MTARC1: variants seen among roughly 807,000 people sequenced by gnomAD.
MTARC1 encodes the protein mitochondrial amidoxime reducing component 1.
A neutral mutation model predicts 33.6 loss-of-function variants in MTARC1; 24 were observed. The ratio of observed to expected loss-of-function variants is 0.72; its 90% confidence interval spans 0.52 to 1.01. The LOEUF is 1.01. Ranked by LOEUF, MTARC1 falls within the 50% of genes least tolerant of loss-of-function variation. The pLI is 0.00. For synonymous variants in MTARC1, 187 were observed against 189.5 expected, an observed-to-expected ratio of 0.99 and a Z score of 0.11; for missense variants, 417 against 445.7, an observed-to-expected ratio of 0.94 and a Z score of 0.58.
chr1:220,787,640 G>C (rs1672276405), intron 1 of MTARC1, among the ~76,000 whole-genome samples: 1 of 152,122 alleles, frequency 6.6e-6, no homozygotes, highest in African/African-American at 2.4e-5. Context: ...CTGAACTGTA[G>C]AGTCCAGCCC....
At chr1:220,806,362 T>G (rs1303709154) in intron 6 of MTARC1, among the ~76,000 whole-genome samples, 1 of 152,230 alleles carries the variant, frequency 6.6e-6, no homozygotes, top group Non-Finnish European at 1.5e-5. Context: ...TGGTCCTGAC[T>G]TGGCCTCCCC....
intron 1 of MTARC1, among the ~76,000 whole-genome samples, chr1:220,788,712 C>T (rs1429522647): frequency 1.3e-5 from 2 of 151,720 alleles, no homozygotes; most frequent in African/African-American, 2.4e-5. Flanking sequence ...TGGCGTGAAC[C>T]CGGGAGGCGG....
chr1:220,814,554 C>G lies in MTARC1; in HGVS notation c.*1136C>G, dbSNP rs1438821995. The stretch of plus-strand genomic sequence containing the variant: ...ACCAGCCCAGAAAATATAATGGGAT[C>G]CTGTCGCTACAAAATGTTTTTAAAA... On this transcript the variant is annotated 3_prime_UTR_variant, in exon 7 of 7. Coordinates refer to ENST00000366910, the MANE Select transcript of MTARC1 (RefSeq NM_022746.4). 2 of 152,056 alleles carry G rather than the reference C, an allele frequency of 1.3e-5. No individual in the cohort carries two copies. The highest frequency in any genetic ancestry group is 2.9e-5 in the Non-Finnish European group (2 of 68,058). The allele number at this position is 152,056 out of a possible 1,614,324, so 9.4% of individuals were successfully genotyped here.
At chr1:220,787,301 G>A (rs1368247164) in intron 1 of MTARC1, 82 bp downstream of exon 1, 2 of 1,419,198 alleles carry the variant, frequency 1.4e-6, no homozygotes, top group East Asian at 3.0e-5. Context: ...GGGGAGGTCT[G>A]CAGAGTCTGC....
rs1673293807 is a variant in MTARC1 at position 220,816,885 on chromosome 1, C to G, written c.*3467C>G. ...GTTGTGGGCCTTAGGGAGAAGCACT[C>G]TCTTTCTTCGGGATCATTTTCCAAA... On this transcript the variant is annotated 3_prime_UTR_variant, in exon 7 of 7. Coordinates refer to ENST00000366910, the MANE Select transcript of MTARC1 (RefSeq NM_022746.4). 6.6e-6 allele frequency: 1 copy of G among 152,336 alleles called. No homozygotes were observed. Among genetic ancestry groups the G allele is most frequent in the African/African-American group, 2.4e-5 (1 of 41,424 alleles). 9.4% of individuals were successfully genotyped at this position (152,336 alleles called of 1,614,324 possible). A position where few individuals can be genotyped will look rare whatever the true frequency, so the allele number is the denominator to read the frequency against.
rs76526079 is a variant in MTARC1 at position 220,802,778 on chromosome 1, C to T, written c.754-2274C>T. Among the ~76,000 whole-genome samples, 855 of 152,338 alleles carry T rather than the reference C, an allele frequency of 5.6e-3. 13 individuals carry two copies. The highest frequency in any genetic ancestry group is 0.051 in the South Asian group (244 of 4,820). On this transcript the variant is annotated intron_variant, in intron 4 of 6. Coordinates refer to ENST00000366910, the MANE Select transcript of MTARC1 (RefSeq NM_022746.4). ...CAGCCATGTCGGCTCCCCTTTCTAT[C>T]CTTAGCCACCAGCCAGATCCTACGT...
chr1:220,805,759 T>G (rs1008805756), intron 6 of MTARC1, among the ~76,000 whole-genome samples: 14 of 152,228 alleles, frequency 9.2e-5, no homozygotes, highest in African/African-American at 3.1e-4. Flanking sequence ...TGTCACAATC[T>G]TCATAAATAG....
intron 6 of MTARC1, among the ~76,000 whole-genome samples, chr1:220,808,702 C>T (rs1673042396): frequency 1.3e-5 from 2 of 152,206 alleles, no homozygotes; most frequent in South Asian, 4.1e-4. Flanking sequence ...GTTAGTCACC[C>T]ACAGGCAGAG....
chr1:220,796,044 T>C (rs1413397061), intron 2 of MTARC1, among the ~76,000 whole-genome samples: 1 of 152,166 alleles, frequency 6.6e-6, no homozygotes, highest in Admixed American at 6.5e-5. Context: ...GACTATGTGC[T>C]GGGGAGTGGG....
At chr1:220,810,493 G>A (rs1344125264) in intron 6 of MTARC1, among the ~76,000 whole-genome samples, 1 of 151,712 alleles carries the variant, frequency 6.6e-6, no homozygotes, top group Non-Finnish European at 1.5e-5. Context: ...AGCTCTTCCC[G>A]CTTCTACTCC....
chr1:220,794,298 C>T (rs1178437499), intron 2 of MTARC1: 1 of 150,316 alleles, frequency 6.7e-6, no homozygotes, highest in South Asian at 2.1e-4. Context: ...TAGGCACCAG[C>T]AAAGAGACAT....
rs1673233941 is a variant in MTARC1, at chr1:220,814,468, C to T, written c.*1050C>T. On this transcript the variant is annotated 3_prime_UTR_variant, in exon 7 of 7. Transcript: ENST00000366910. ...TGAGGCTGGGCACAGGGGCTCATGC[C>T]TGTAATTCCAGCACTTTGGGAGGCC... is the stretch of plus-strand genomic sequence containing the variant. 6.6e-6 allele frequency: 1 copy of T among 152,152 alleles called. No individual in the cohort carries two copies. The highest frequency in any genetic ancestry group is 1.5e-5 in the Non-Finnish European group (1 of 68,048). The allele number at this position is 152,152 out of a possible 1,614,324, so 9.4% of individuals were successfully genotyped here.
rs1195746892 is a variant in MTARC1, at chr1:220,809,012, C to T, written c.887+3738C>T. 4.5e-5 allele frequency: 20 copies of T among 443,044 alleles called. 1 individual carries two copies. Among genetic ancestry groups the T allele is most frequent in the East Asian group, 2.1e-4 (3 of 14,262 alleles). 27.4% of individuals were successfully genotyped at this position (443,044 alleles called of 1,614,324 possible). On this transcript the variant is annotated intron_variant, in intron 6 of 6. Transcript: ENST00000366910. ...AAACGTTTTGCTGGATGCACGAATA[C>T]TGTGACAGTAATGACATTTGCCAGC...
rs931834537 is a variant in MTARC1, at chr1:220,819,362, T to A, written c.*5944T>A. On this transcript the variant is annotated 3_prime_UTR_variant, in exon 7 of 7. Coordinates refer to ENST00000366910, the MANE Select transcript of MTARC1 (RefSeq NM_022746.4). ...ATCTCGTTAATGTGGCCAAGATAAATGCAAGTCTATATTTTAAGGCAGTCG... is the reference window on the plus strand; with the variant it reads ...ATCTCGTTAATGTGGCCAAGATAAAAGCAAGTCTATATTTTAAGGCAGTCG... 1 of 152,210 alleles carries A rather than the reference T, an allele frequency of 6.6e-6. No homozygotes were observed. The highest frequency in any genetic ancestry group is 2.4e-5 in the African/African-American group (1 of 41,450). The allele number at this position is 152,210 out of a possible 1,614,324, so 9.4% of individuals were successfully genotyped here.
chr1:220,806,689 T>A (rs1180747528), intron 6 of MTARC1, among the ~76,000 whole-genome samples: 1 of 152,200 alleles, frequency 6.6e-6, no homozygotes, highest in African/African-American at 2.4e-5. Context: ...TGGAGGGCTG[T>A]CATCCCCGCT....
At position 220,796,688 on chromosome 1, in the gene MTARC1, C is replaced by T. The variant is rs200766630; in HGVS notation, c.495C>T (p.Thr165=). 6.8e-5 allele frequency: 109 copies of T among 1,611,964 alleles called. No individual in the cohort carries two copies. The highest frequency in any genetic ancestry group is 8.8e-5 in the Non-Finnish European group (104 of 1,179,182). Residue 165 remains threonine (T), a synonymous_variant, in exon 3 of 7, where the codon ACC becomes ACT. Coordinates refer to ENST00000366910, the MANE Select transcript of MTARC1 (RefSeq NM_022746.4). ...AGGGCAGGGACTGTGGCGAGGCCAC[C>T]GCCCAGTGGATAACCAGCTTCCTGA... ...EIEGRDCGEA[T]AQWITSFLKS...
chr1:220,794,631 T>G (rs1216579476), intron 2 of MTARC1, among the ~76,000 whole-genome samples: 1 of 152,102 alleles, frequency 6.6e-6, no homozygotes, highest in Non-Finnish European at 1.5e-5. Context: ...CTTCCCAAGG[T>G]GACTGCTCTG....
intron 2 of MTARC1, among the ~76,000 whole-genome samples, chr1:220,794,787 A>G (rs1296250545): frequency 6.6e-6 from 1 of 152,108 alleles, no homozygotes; most frequent in Non-Finnish European, 1.5e-5. Flanking sequence ...TTGGGTGCAT[A>G]TTTCAGCCCT....
chr1:220,811,052 A>G (rs1673117710), intron 6 of MTARC1, among the ~76,000 whole-genome samples: 1 of 152,220 alleles, frequency 6.6e-6, no homozygotes, highest in East Asian at 1.9e-4. Flanking sequence ...TTTCTCCCCA[A>G]GATAATGAGA....
Sources: gnomAD v4.1 joint callset for allele counts (sites outside exome capture counted in the v4.1 genomes callset) on GRCh38, gnomAD v4.1.1 for gene constraint, MANE v1.5 for transcripts, NCBI Gene and HGNC (gene_info 2026-07-23, HGNC 2026-07-21) for gene names.